The following INTS13 variants were observed in gnomAD, a reference collection of about 807,000 sequenced individuals.
INTS13 encodes the protein integrator complex subunit 13.
Under a neutral mutation model 90.2 loss-of-function variants are expected in INTS13, and 35 were observed. That is an observed-to-expected ratio of 0.39 (90% CI 0.30 to 0.51). INTS13 has a LOEUF of 0.51. Among genes scored for constraint, INTS13 ranks in the 20% least tolerant of loss-of-function variants. INTS13 has a pLI of 0.80. For synonymous variants in INTS13, 309 were observed against 277.1 expected (o/e 1.11, Z -1.14); for missense variants, 601 against 851.2 (o/e 0.71, Z 3.66).
intron 4 of INTS13, 91 bp downstream of exon 4, chr12:26,928,612 C>A: frequency 4.7e-6 from 6 of 1,288,998 alleles, no homozygotes; most frequent in Non-Finnish European, 6.6e-6. Context: ...TAAACGTAAA[C>A]ATGTAAACAT....
At chr12:26,930,104 A>C (rs1390210233) in intron 3 of INTS13, among the ~76,000 whole-genome samples, 1 of 152,216 alleles carries the variant, frequency 6.6e-6, no homozygotes, top group Admixed American at 6.5e-5. Context: ...AAATAAATTT[A>C]ACAAGAACTA....
intron 3 of INTS13, among the ~76,000 whole-genome samples, chr12:26,931,628 T>A (rs890694250): frequency 3.3e-5 from 5 of 152,216 alleles, no homozygotes; most frequent in Non-Finnish European, 7.3e-5. Context: ...AAGGACCTTG[T>A]AGACTGAAGT....
At chr12:26,920,585 G>A (rs1486964812) in intron 8 of INTS13, among the ~76,000 whole-genome samples, 2 of 152,092 alleles carry the variant, frequency 1.3e-5, no homozygotes, top group East Asian at 3.9e-4. Context: ...TTTTCTAGTA[G>A]AGACGGGGTT....
intron 9 of INTS13, 34 bp downstream of exon 9, chr12:26,917,610 A>T (rs1345558917): frequency 1.3e-6 from 2 of 1,571,476 alleles, no homozygotes; most frequent in South Asian, 2.2e-5. Context: ...GAACCTTTTG[A>T]TTTCGTCTTT....
At chr12:26,912,858 G>T (rs1951822934) in intron 14 of INTS13, among the ~76,000 whole-genome samples, 1 of 152,002 alleles carries the variant, frequency 6.6e-6, no homozygotes, top group South Asian at 2.1e-4. Context: ...CCCTTGAGTA[G>T]CTGAGATTAC....
rs377678501 is a variant in INTS13, at chr12:26,935,110, A to G, written c.226-480T>C. On this transcript the variant is annotated intron_variant, in intron 2 of 16. Transcript: ENST00000261191. ...AAAGGCATCTAAGCATATACCCTGG[A>G]AAGGGTGAAAGTCAGAGCAGGCAGT... 6.6e-5 allele frequency among the ~76,000 whole-genome samples: 10 copies of G among 152,358 alleles called. No homozygotes were observed. The East Asian group carries it at 1.5e-3, about 23-fold the overall frequency.
At position 26,915,998 on chromosome 12, in the gene INTS13, T is replaced by C; in HGVS notation, c.1248+4A>G. On this transcript the variant is annotated splice_donor_region_variant and intron_variant, in intron 11 of 16. Transcript: ENST00000261191. ...CTTAAAATTTATAGATATTAGAGTCTTACTGTAATCCGGTAGTCTGTAACT... is the reference window on the plus strand; with the variant it reads ...CTTAAAATTTATAGATATTAGAGTCCTACTGTAATCCGGTAGTCTGTAACT... 7 of 1,604,488 alleles carry C rather than the reference T, an allele frequency of 4.4e-6. No homozygotes were observed. The highest frequency in any genetic ancestry group is 6.0e-6 in the Non-Finnish European group (7 of 1,175,268).
At chr12:26,920,405 T>TC (rs1952077144) in intron 8 of INTS13, among the ~76,000 whole-genome samples, 1 of 34,778 alleles carries the variant, frequency 2.9e-5, no homozygotes, top group African/African-American at 1.4e-4. Flanking sequence ...TTTTGACACT[T>TC]TTTTTTTTTT....
intron 15 of INTS13, among the ~76,000 whole-genome samples, chr12:26,910,722 C>T (rs140929684): frequency 2.3e-4 from 35 of 152,106 alleles, no homozygotes; most frequent in African/African-American, 8.5e-4. Context: ...TAAGACTGGA[C>T]TAATACAGGT....
chr12:26,915,214 G>C (rs747597464), intron 11 of INTS13, among the ~76,000 whole-genome samples: 6 of 152,072 alleles, frequency 3.9e-5, no homozygotes, highest in African/African-American at 1.4e-4. Context: ...CAACAAGAGC[G>C]AAACTCTGTC....
In INTS13 at chr12:26,914,005, T is replaced by C. The variant is rs553250810; in HGVS notation, c.1543A>G (p.Thr515Ala). The C allele has an allele frequency of 1.2e-6, 2 of 1,610,520 alleles. No homozygotes were observed. Among genetic ancestry groups the C allele is most frequent in the South Asian group, 2.2e-5 (2 of 89,836 alleles). Residue 515 changes from threonine (T) to alanine (A), a missense_variant, in exon 13 of 17, where the codon ACA (threonine) becomes GCA (alanine). Thr to Ala is a moderately conservative substitution (Grantham distance 58, BLOSUM62 0). This residue lies in a region of INTS13 where 228 missense variants were observed against 272.5 expected (regional missense o/e 0.84). Coordinates refer to ENST00000261191, the MANE Select transcript of INTS13 (RefSeq NM_018164.3). Reference sequence around the variant, plus strand: ...GGGCCCTTTCCTCTTGTACCAACTGTGGAAATAGGTAGAGGATCATTTTTT... The same window carrying C: ...GGGCCCTTTCCTCTTGTACCAACTGCGGAAATAGGTAGAGGATCATTTTTT... Reference protein sequence around the residue: ...ERKNDPLPISTVGTRGKGPKR... With the variant: ...ERKNDPLPISAVGTRGKGPKR...
At position 26,928,199 on chromosome 12, in the gene INTS13, A is replaced by G. The variant is rs1434707701; in HGVS notation, c.584+6T>C. ...CATATTTATTTCATTTATGAATTAT[A>G]CTCACTGATCTGAATTTGCAGCAAG... On this transcript the variant is annotated splice_donor_region_variant and intron_variant, in intron 5 of 16. Transcript: ENST00000261191. 1 of 1,590,770 alleles carries G rather than the reference A, an allele frequency of 6.3e-7. No individual in the cohort carries two copies. Among genetic ancestry groups the G allele is most frequent in the African/African-American group, 1.3e-5 (1 of 74,528 alleles).
intron 15 of INTS13, 127 bp downstream of exon 15, chr12:26,911,051 T>C: frequency 2.0e-6 from 2 of 1,025,414 alleles, no homozygotes; most frequent in Non-Finnish European, 2.8e-6. Flanking sequence ...GCCAGGCTGG[T>C]CTTGAATTCC....
intron 11 of INTS13, among the ~76,000 whole-genome samples, 192 bp downstream of exon 11, chr12:26,915,810 T>C (rs186576066): frequency 1.9e-4 from 29 of 152,298 alleles, no homozygotes; most frequent in Middle Eastern, 3.4e-3. Flanking sequence ...ATACTGAATA[T>C]ACAATAAGAT....
intron 3 of INTS13, among the ~76,000 whole-genome samples, chr12:26,931,806 G>T (rs1212996306): frequency 1.3e-5 from 2 of 149,622 alleles, no homozygotes; most frequent in Non-Finnish European, 3.0e-5. Flanking sequence ...ATAAACCCGG[G>T]CTGTGCGTGG....
At chr12:26,916,755 A>C (rs1334001161) in intron 10 of INTS13, among the ~76,000 whole-genome samples, 1 of 152,238 alleles carries the variant, frequency 6.6e-6, no homozygotes, top group Non-Finnish European at 1.5e-5. Flanking sequence ...TGAGATGATC[A>C]TAAGAATTAC....
intron 14 of INTS13, among the ~76,000 whole-genome samples, chr12:26,912,325 T>C (rs954291507): frequency 2.0e-5 from 3 of 152,058 alleles, no homozygotes; most frequent in Non-Finnish European, 4.4e-5. Context: ...TAATCCCAGC[T>C]ACCTGAGAGG....
intron 14 of INTS13, among the ~76,000 whole-genome samples, 179 bp from the exon 15 acceptor site, chr12:26,911,496 T>C (rs535306238): frequency 6.6e-6 from 1 of 152,212 alleles, no homozygotes; most frequent in East Asian, 1.9e-4. Flanking sequence ...ATGAATTAAA[T>C]ACAAGTTTCC....
intron 6 of INTS13, among the ~76,000 whole-genome samples, chr12:26,925,363 A>C (rs866041005): frequency 1.2e-4 from 19 of 152,132 alleles, no homozygotes; most frequent in African/African-American, 4.6e-4. Flanking sequence ...CAAGGTTGGA[A>C]AATAAGATTT....
Sources: gnomAD v4.1 joint callset for allele counts (sites outside exome capture counted in the v4.1 genomes callset) on GRCh38, gnomAD v4.1.1 for gene constraint, gnomAD v4.1.1 regional missense constraint, MANE v1.5 for transcripts, NCBI Gene and HGNC (gene_info 2026-07-23, HGNC 2026-07-21) for gene names.